PTCSC3: variants seen among roughly 807,000 people sequenced by gnomAD.
PTCSC3 encodes papillary thyroid carcinoma susceptibility candidate 3 (non-protein coding).
At chr14:36,172,422 A>T (rs544860820) in intron 1 of PTCSC3, among the ~76,000 whole-genome samples, 1 of 152,274 alleles carries the variant, frequency 6.6e-6, no homozygotes, top group Admixed American at 6.5e-5. Flanking sequence ...TTAAATTAAC[A>T]GGAAAATAAA....
At chr14:36,153,942 G>A (rs1314801019) in intron 2 of PTCSC3, 1 of 151,978 alleles carries the variant, frequency 6.6e-6, no homozygotes, top group Non-Finnish European at 1.5e-5. Flanking sequence ...GTGTATGCCT[G>A]TGATCCCAGC....
intron 2 of PTCSC3, among the ~76,000 whole-genome samples, chr14:36,160,678 G>A (rs927596898): frequency 6.6e-6 from 1 of 151,946 alleles, no homozygotes; most frequent in African/African-American, 2.4e-5. Flanking sequence ...TTCAACCTTG[G>A]TGAATCTGAC....
At chr14:36,162,258 G>GGAAAAAAAAAAA (rs1295535297) in intron 2 of PTCSC3, among the ~76,000 whole-genome samples, 1 of 106,554 alleles carries the variant, frequency 9.4e-6, no homozygotes, top group African/African-American at 4.8e-5. Context: ...CTGGGGTATG[G>GGAAAAAAAAAAA]AAAAAAAAAA....
At chr14:36,161,838 C>A (rs1881962563) in intron 2 of PTCSC3, among the ~76,000 whole-genome samples, 1 of 152,174 alleles carries the variant, frequency 6.6e-6, no homozygotes, top group African/African-American at 2.4e-5. Context: ...CCCCTTCCCC[C>A]ACGTGCCCTG....
At chr14:36,154,646 C>T (rs1881791246) in intron 2 of PTCSC3, among the ~76,000 whole-genome samples, 1 of 151,986 alleles carries the variant, frequency 6.6e-6, no homozygotes, top group Admixed American at 6.6e-5. Flanking sequence ...GAGGGTCTGA[C>T]TGGGGTTGTG....
At chr14:36,163,849 A>G (rs150777588) in intron 1 of PTCSC3, among the ~76,000 whole-genome samples, 47 of 152,334 alleles carry the variant, frequency 3.1e-4, no homozygotes, top group African/African-American at 1.0e-3. Context: ...AAATAATCCC[A>G]GGAGGTAAGA....
chr14:36,144,020 A>T (rs1016325368), intron 3 of PTCSC3, among the ~76,000 whole-genome samples: 62 of 151,932 alleles, frequency 4.1e-4, no homozygotes, highest in African/African-American at 1.5e-3. Context: ...TGATCTATAT[A>T]TCTGTTTTGG....
chr14:36,170,847 G>T (rs1385719788), intron 1 of PTCSC3, among the ~76,000 whole-genome samples: 1 of 152,114 alleles, frequency 6.6e-6, no homozygotes, highest in African/African-American at 2.4e-5. Flanking sequence ...ACCCTGGGCG[G>T]TTGGCACAGC....
At chr14:36,149,345 A>C (rs1286876000) in intron 3 of PTCSC3, among the ~76,000 whole-genome samples, 1 of 152,114 alleles carries the variant, frequency 6.6e-6, no homozygotes. Flanking sequence ...CTAAGAGCAT[A>C]CTTTGTATGA....
At chr14:36,176,627 A>G (rs1029620817), upstream of PTCSC3, among the ~76,000 whole-genome samples, 1 of 152,014 alleles carries the variant, frequency 6.6e-6, no homozygotes, top group African/African-American at 2.4e-5. Flanking sequence ...AGATGTCTTG[A>G]GTACTGAGAA....
At chr14:36,152,860 C>G (rs147296667) in intron 3 of PTCSC3, among the ~76,000 whole-genome samples, 34 of 151,388 alleles carry the variant, frequency 2.2e-4, no homozygotes, top group Admixed American at 2.0e-3. Context: ...TGCCACTGCA[C>G]TCCAGCCTGG....
chr14:36,171,463 G>C (rs1025075584), intron 1 of PTCSC3, among the ~76,000 whole-genome samples: 35 of 152,142 alleles, frequency 2.3e-4, no homozygotes, highest in African/African-American at 7.5e-4. Flanking sequence ...CCCATACGCT[G>C]TATGAGGAAG....
chr14:36,156,582 G>A (rs969432282), intron 2 of PTCSC3, among the ~76,000 whole-genome samples: 4 of 151,940 alleles, frequency 2.6e-5, no homozygotes, highest in African/African-American at 7.3e-5. Context: ...CCCTTGACGG[G>A]CCCCAGTGTG....
At chr14:36,143,696 C>T (rs1304286327) in intron 3 of PTCSC3, among the ~76,000 whole-genome samples, 4 of 147,810 alleles carry the variant, frequency 2.7e-5, no homozygotes, top group African/African-American at 7.5e-5. Flanking sequence ...GCTTTTGTTG[C>T]CATTGCTTTT....
At chr14:36,161,663 C>T (rs986133799) in intron 2 of PTCSC3, among the ~76,000 whole-genome samples, 89 of 152,306 alleles carry the variant, frequency 5.8e-4, no homozygotes, top group African/African-American at 1.9e-3. Flanking sequence ...CTGTCCACCC[C>T]GGCTGGGAGG....
intron 2 of PTCSC3, among the ~76,000 whole-genome samples, chr14:36,156,310 T>C (rs563523056): frequency 6.6e-6 from 1 of 152,338 alleles, no homozygotes; most frequent in South Asian, 2.1e-4. Flanking sequence ...GGCATTGTGA[T>C]GAAAGATTAG....
chr14:36,157,048 T>C (rs1881845497), intron 2 of PTCSC3, among the ~76,000 whole-genome samples: 1 of 152,210 alleles, frequency 6.6e-6, no homozygotes, highest in Admixed American at 6.5e-5. Flanking sequence ...AAAGCTTTCC[T>C]ATTTCTCCAC....
intron 1 of PTCSC3, among the ~76,000 whole-genome samples, chr14:36,174,011 G>T (rs1882236977): frequency 1.3e-5 from 2 of 151,880 alleles, no homozygotes; most frequent in Admixed American, 6.6e-5. Context: ...CTGCTTTTAA[G>T]ATTTTTTTTC....
At chr14:36,162,241 G>C (rs1276781182) in intron 2 of PTCSC3, among the ~76,000 whole-genome samples, 1 of 142,190 alleles carries the variant, frequency 7.0e-6, no homozygotes, top group East Asian at 2.0e-4. Flanking sequence ...TGGCGTTCCA[G>C]GAGCTGCTGG....
Sources: allele counts gnomAD v4.1 joint callset (sites outside exome capture counted in the v4.1 genomes callset), GRCh38; gene constraint gnomAD v4.1.1; transcripts MANE v1.5; gene names NCBI Gene and HGNC (gene_info 2026-07-23, HGNC 2026-07-21).